The following VPS37B variants were observed in gnomAD, a reference collection of about 807,000 sequenced individuals.
The protein encoded by VPS37B is vacuolar protein sorting-associated protein 37B.
In VPS37B, 11 loss-of-function variants were observed where a neutral mutation model predicts 21.2. That is an observed-to-expected ratio of 0.52 (90% confidence interval 0.33 to 0.86). The LOEUF (loss-of-function observed/expected upper bound fraction) is 0.86. Among genes scored for constraint, VPS37B ranks in the 40% least tolerant of loss-of-function variants. VPS37B has a pLI of 0.03. For missense variants in VPS37B, 389 were observed against 374.8 expected, an observed-to-expected ratio of 1.04 and a Z score of -0.31; for synonymous variants, 175 against 159.6, an observed-to-expected ratio of 1.10 and a Z score of -0.73.
intron 1 of VPS37B, among the ~76,000 whole-genome samples, chr12:122,890,973 C>T (rs536962178): frequency 6.6e-6 from 1 of 152,326 alleles, no homozygotes; most frequent in African/African-American, 2.4e-5. Context: ...AAGGAAACTA[C>T]GCCTTTTAGC....
At chr12:122,890,337 C>CTT (rs1169226130) in intron 1 of VPS37B, among the ~76,000 whole-genome samples, 7 of 141,292 alleles carry the variant, frequency 5.0e-5, no homozygotes, top group African/African-American at 1.0e-4. Flanking sequence ...TCACACGTGG[C>CTT]TTTTTTTTTT....
chr12:122,890,273 A>C (rs1268469424), intron 1 of VPS37B: 1 of 152,156 alleles, frequency 6.6e-6, no homozygotes, highest in East Asian at 1.9e-4. Context: ...CTTGCATCAG[A>C]AACCTAATGT....
Position 122,872,686 on chromosome 12 carries a change from A to T in VPS37B, c.112-1625T>A, listed in dbSNP as rs575646251. The T allele has an allele frequency of 5.1e-6, 5 of 985,430 alleles. No individual in the cohort carries two copies. In the East Asian group the frequency reaches 5.7e-4, roughly 112 times the overall value. The allele number at this position is 985,430 out of a possible 1,614,324, so 61.0% of individuals were successfully genotyped here. A position where few individuals can be genotyped will look rare whatever the true frequency, so the allele number is the denominator to read the frequency against. Reference sequence around the variant, plus strand: ...TGTTAAGTCATTTAAAAGAACAAACAAAAACCACTGTATGGCCACTCTGGA... The same window carrying T: ...TGTTAAGTCATTTAAAAGAACAAACTAAAACCACTGTATGGCCACTCTGGA... On this transcript the variant is annotated intron_variant, in intron 1 of 3. Transcript: ENST00000267202.
intron 2 of VPS37B, chr12:122,870,626 C>G: frequency 3.0e-6 from 1 of 334,234 alleles, no homozygotes; most frequent in South Asian, 4.0e-5. Flanking sequence ...GTCCCAGCTA[C>G]TCAGGAGGCT....
intron 1 of VPS37B, chr12:122,886,377 C>CGAGA (rs2034329653): frequency 6.6e-6 from 1 of 152,200 alleles, no homozygotes; most frequent in Non-Finnish European, 1.5e-5. Flanking sequence ...TCCCAACACT[C>CGAGA]GAGAGGCCAA....
chr12:122,894,794 G>C (rs1442649378), intron 1 of VPS37B, among the ~76,000 whole-genome samples: 1 of 152,218 alleles, frequency 6.6e-6, no homozygotes, highest in East Asian at 1.9e-4. Context: ...TGTGAAGGAA[G>C]ATAACCAGAA....
At chr12:122,894,068 A>G (rs189227408) in intron 1 of VPS37B, among the ~76,000 whole-genome samples, 141 of 152,292 alleles carry the variant, frequency 9.3e-4, no homozygotes, top group Non-Finnish European at 1.4e-3. Context: ...CATATACCAA[A>G]ATAACTTGTA....
chr12:122,880,069 G>A (rs1357887927), intron 1 of VPS37B: 3 of 152,092 alleles, frequency 2.0e-5, no homozygotes, highest in Non-Finnish European at 4.4e-5. Flanking sequence ...AGCCGAGATC[G>A]TGCCAATGTA....
chr12:122,867,114 G>A lies in VPS37B; in HGVS notation c.*2C>T, dbSNP rs765374829. 17 of 1,522,674 alleles carry A rather than the reference G, an allele frequency of 1.1e-5. No individual in the cohort carries two copies. Among genetic ancestry groups the A allele is most frequent in the East Asian group, 4.5e-5 (2 of 44,108 alleles). The allele number at this position is 1,522,674 out of a possible 1,614,324, so 94.3% of individuals were successfully genotyped here. ...GTCTCCCGGGAAGGACCGCGCCGGCGCTCACTGGAGGATGAAACCCGGCTG... is the reference window on the plus strand; with the variant it reads ...GTCTCCCGGGAAGGACCGCGCCGGCACTCACTGGAGGATGAAACCCGGCTG... On this transcript the variant is annotated 3_prime_UTR_variant, in exon 4 of 4. Transcript: ENST00000267202. This position sits in a 1 kb window ranked among gnomAD's most constrained non-coding sequence, Gnocchi z 5.5.
At chr12:122,869,646 G>A (rs926190143) in intron 2 of VPS37B, among the ~76,000 whole-genome samples, 1 of 152,230 alleles carries the variant, frequency 6.6e-6, no homozygotes, top group Non-Finnish European at 1.5e-5. Context: ...TGGGGTCTCT[G>A]TCACCCAGGG....
rs776984185 is a variant in VPS37B at position 122,868,222 on chromosome 12, G to T, written c.366+258C>A. Reference sequence around the variant, plus strand: ...TGGTAATCCGCCACTGGCCCCAGGGGCCGGCGTTCACAGGGTGGCACGCAT... The same window carrying T: ...TGGTAATCCGCCACTGGCCCCAGGGTCCGGCGTTCACAGGGTGGCACGCAT... On this transcript the variant is annotated intron_variant, in intron 3 of 3. Transcript: ENST00000267202. This position sits in a 1 kb window ranked among gnomAD's most constrained non-coding sequence, Gnocchi z 5.5. Among the ~76,000 whole-genome samples the T allele has an allele frequency of 1.1e-4, 17 of 152,242 alleles. No homozygotes were observed. Among genetic ancestry groups the T allele is most frequent in the Non-Finnish European group, 2.4e-4 (16 of 68,038 alleles).
At chr12:122,895,687 G>A (rs1290226266) in intron 1 of VPS37B, among the ~76,000 whole-genome samples, 1 of 150,964 alleles carries the variant, frequency 6.6e-6, no homozygotes, top group Non-Finnish European at 1.5e-5. Flanking sequence ...GGCTCCCCAA[G>A]CCCCGTCTCA....
chr12:122,895,887 A>G, intron 1 of VPS37B, 65 bp downstream of exon 1: 3 of 1,475,600 alleles, frequency 2.0e-6, no homozygotes, highest in Non-Finnish European at 2.8e-6. Flanking sequence ...GCCTCCGGCC[A>G]CCGTTCGAGG....
chr12:122,874,857 G>C (rs1366427737), intron 1 of VPS37B: 1 of 148,512 alleles, frequency 6.7e-6, no homozygotes, highest in Non-Finnish European at 1.5e-5. Flanking sequence ...TGAGGCAGAA[G>C]AATCACTTGA....
intron 1 of VPS37B, chr12:122,881,077 T>C (rs1293255254): frequency 6.6e-6 from 1 of 152,264 alleles, no homozygotes; most frequent in East Asian, 1.9e-4. Context: ...GTAAGACAAG[T>C]TACTGGTGCT....
intron 1 of VPS37B, chr12:122,878,009 A>T (rs969580271): frequency 6.6e-6 from 1 of 152,216 alleles, no homozygotes; most frequent in Non-Finnish European, 1.5e-5. Context: ...CAGGAAGGTG[A>T]GGTTCCTTTC....
chr12:122,870,673 T>G lies in VPS37B; in HGVS notation c.283+217A>C. 6.6e-6 allele frequency: 3 copies of G among 454,246 alleles called. No individual in the cohort carries two copies. The South Asian group carries it at 8.7e-5, about 13-fold the overall frequency. The allele number at this position is 454,246 out of a possible 1,614,324, so 28.1% of individuals were successfully genotyped here. On this transcript the variant is annotated intron_variant, in intron 2 of 3. Transcript: ENST00000267202. ...ATCACCTGAGCCCAGGAGGTCGTGC[T>G]GAGCCATGGTTGCGCCACTGCACTC...
intron 1 of VPS37B, 77 bp downstream of exon 1, chr12:122,895,869 TCGCCTC>T: frequency 1.6e-6 from 2 of 1,270,422 alleles, no homozygotes; most frequent in East Asian, 2.5e-5. Context: ...GGCGCCGCGG[TCGCCTC>T]CGCCTCCGGC....
chr12:122,872,236 G>A, intron 1 of VPS37B: 5 of 985,416 alleles, frequency 5.1e-6, no homozygotes, highest in African/African-American at 1.7e-5. Flanking sequence ...ACAAGGAAGA[G>A]CCTCAGGGAA....
Sources: allele counts gnomAD v4.1 joint callset (sites outside exome capture counted in the v4.1 genomes callset), GRCh38; gene constraint gnomAD v4.1.1; non-coding constraint Gnocchi (gnomAD v3.1); transcripts MANE v1.5; gene names NCBI Gene and HGNC (gene_info 2026-07-23, HGNC 2026-07-21).